Variants in GREM2 observed in about 807,000 individuals in gnomAD.
The protein encoded by GREM2 is gremlin-2.
A neutral mutation model predicts 14.2 loss-of-function variants in GREM2; 11 were observed. The ratio of observed to expected loss-of-function variants is 0.78; its 90% CI spans 0.49 to 1.28. The LOEUF (loss-of-function observed/expected upper bound fraction) is 1.28. Ranked by LOEUF, GREM2 falls within the 50% of genes most tolerant of loss-of-function variation. GREM2 has a pLI of 0.00. For synonymous variants in GREM2, 98 were observed against 97.6 expected, an observed-to-expected ratio of 1.00 and a Z score of -0.02; for missense variants, 210 against 218.5, an observed-to-expected ratio of 0.96 and a Z score of 0.24.
At chr1:240,568,802 CA>C (rs1572402876) in intron 1 of GREM2, among the ~76,000 whole-genome samples, 2 of 152,078 alleles carry the variant, frequency 1.3e-5, no homozygotes, top group African/African-American at 4.8e-5. Flanking sequence ...CTAGAAGTAA[CA>C]TATAAATTTA....
rs555126132 is a variant in GREM2 at position 240,552,509 on chromosome 1, C to T, written c.-1-59033G>A. Among the ~76,000 whole-genome samples, 6 of 152,242 alleles carry T rather than the reference C, an allele frequency of 3.9e-5. No individual in the cohort carries two copies. The South Asian group carries it at 6.2e-4, about 16-fold the overall frequency. ...GCTTGGGAAGCTGAGATGGGAGGAC[C>T]GCCTGAGCCCAAGAGTTTGAGATTA... On this transcript the variant is annotated intron_variant, in intron 1 of 1. Transcript: ENST00000318160.
chr1:240,554,481 T>C (rs1327152629), intron 1 of GREM2, among the ~76,000 whole-genome samples: 1 of 151,752 alleles, frequency 6.6e-6, no homozygotes, highest in African/African-American at 2.4e-5. Context: ...TGTATATACA[T>C]ATTTTTTGGT....
chr1:240,491,357 T>G lies in GREM2; in HGVS notation c.*1612A>C, dbSNP rs1044554646. On this transcript the variant is annotated 3_prime_UTR_variant, in exon 2 of 2. Coordinates refer to ENST00000318160, the MANE Select transcript of GREM2 (RefSeq NM_022469.4). ...ATCATCAGTGAAAGGTTTTCAAAGT[T>G]TACTGATTCCCACCAATGGCAGCTC... is the stretch of plus-strand genomic sequence containing the variant. 2 of 152,636 alleles carry G rather than the reference T, an allele frequency of 1.3e-5. No homozygotes were observed. Among genetic ancestry groups the G allele is most frequent in the African/African-American group, 4.8e-5 (2 of 41,448 alleles). 9.5% of individuals were successfully genotyped at this position (152,636 alleles called of 1,614,324 possible).
In GREM2 at chr1:240,607,704, G is replaced by A. The variant is rs16840431; in HGVS notation, c.-2+4180C>T. Among the ~76,000 whole-genome samples the A allele has an allele frequency of 3.3e-3, 495 of 152,246 alleles. 6 individuals are homozygous for A. Among genetic ancestry groups the A allele is most frequent in the African/African-American group, 0.01 (417 of 41,562 alleles). On this transcript the variant is annotated intron_variant, in intron 1 of 1. Transcript: ENST00000318160. The stretch of plus-strand genomic sequence containing the variant: ...GGTGAATATTTTTCATCTGTTTTTC[G>A]TCTATTAGATGGATGATAAACATCT...
chr1:240,519,286 G>A (rs890265504), intron 1 of GREM2, among the ~76,000 whole-genome samples: 3 of 151,708 alleles, frequency 2.0e-5, no homozygotes, highest in Non-Finnish European at 4.4e-5. Flanking sequence ...GTAGCTCCTT[G>A]CTAATGTCAC....
rs1678652852 is a variant in GREM2 at position 240,543,771 on chromosome 1, A to G, written c.-1-50295T>C. 6.6e-6 allele frequency among the ~76,000 whole-genome samples: 1 copy of G among 152,238 alleles called. No homozygotes were observed. Among genetic ancestry groups the G allele is most frequent in the Admixed American group, 6.5e-5 (1 of 15,278 alleles). On this transcript the variant is annotated intron_variant, in intron 1 of 1. Transcript: ENST00000318160. The surrounding 1 kb of genome is among the most constrained non-coding windows in gnomAD (Gnocchi z 6.4). The stretch of plus-strand genomic sequence containing the variant: ...TTTATAGAAATTACTAAGTAATTAT[A>G]TTTCAAAAGGGATTGATATACAGGC...
At chr1:240,556,679 G>C (rs935564846) in intron 1 of GREM2, among the ~76,000 whole-genome samples, 1 of 151,990 alleles carries the variant, frequency 6.6e-6, no homozygotes, top group East Asian at 1.9e-4. Flanking sequence ...TACTAAGAAA[G>C]CATTATTCAG....
intron 1 of GREM2, among the ~76,000 whole-genome samples, chr1:240,512,522 G>A (rs1011378064): frequency 6.4e-5 from 2 of 31,368 alleles, no homozygotes; most frequent in African/African-American, 1.1e-3. Flanking sequence ...TGAGCTTTCT[G>A]TCGCAGAACT....
chr1:240,516,959 G>C (rs1677970139), intron 1 of GREM2, among the ~76,000 whole-genome samples: 1 of 152,150 alleles, frequency 6.6e-6, no homozygotes, highest in African/African-American at 2.4e-5. Flanking sequence ...TGTCACTAGT[G>C]AACACTTGGT....
At chr1:240,591,353 A>G (rs927505677) in intron 1 of GREM2, among the ~76,000 whole-genome samples, 24 of 152,224 alleles carry the variant, frequency 1.6e-4, no homozygotes, top group Admixed American at 1.6e-3. Flanking sequence ...TTGAAGGAAC[A>G]TATTGAATGA....
chr1:240,522,959 G>T (rs1043255256), intron 1 of GREM2, among the ~76,000 whole-genome samples: 1 of 152,088 alleles, frequency 6.6e-6, no homozygotes, highest in African/African-American at 2.4e-5. Flanking sequence ...CATGAAAAAA[G>T]AAGACAGTGC....
Position 240,493,061 on chromosome 1 carries a change from C to T in GREM2, c.415G>A (p.Gly139Ser). The T allele has an allele frequency of 6.2e-7, 1 of 1,612,478 alleles. No homozygotes were observed. The highest frequency in any genetic ancestry group is 8.5e-7 in the Non-Finnish European group (1 of 1,178,822). Reference sequence around the variant, plus strand: ...TTGAGTCGGAAGGGTGGGTCCAGGCCGGGGCACTCGAGCTCCACGAGGACG... The same window carrying T: ...TTGAGTCGGAAGGGTGGGTCCAGGCTGGGGCACTCGAGCTCCACGAGGACG... ...TSVLVELECPGLDPPFRLKKI... is the reference protein window; with the variant it reads ...TSVLVELECPSLDPPFRLKKI... The change falls in exon 2 of 2, where the codon GGC (glycine) becomes AGC (serine). Residue 139 changes from glycine to serine, a missense_variant. Transcript: ENST00000318160.
chr1:240,553,650 C>T (rs1015037383), intron 1 of GREM2, among the ~76,000 whole-genome samples: 17 of 152,198 alleles, frequency 1.1e-4, no homozygotes, highest in Non-Finnish European at 1.0e-4. Context: ...ATAACGAACA[C>T]TTCTGAGACC....
chr1:240,497,481 G>T (rs907202964), intron 1 of GREM2, among the ~76,000 whole-genome samples: 1 of 151,986 alleles, frequency 6.6e-6, no homozygotes, highest in African/African-American at 2.4e-5. Context: ...GTTCTACCTG[G>T]AGAAGGAGCA....
At chr1:240,562,990 GTATGTGTGTA>G (rs1356796564) in intron 1 of GREM2, among the ~76,000 whole-genome samples, 2 of 146,794 alleles carry the variant, frequency 1.4e-5, no homozygotes, top group African/African-American at 2.7e-5. Flanking sequence ...ATGTAAGTGT[GTATGTGTGTA>G]TATGTGAGTG....
intron 1 of GREM2, chr1:240,530,572 T>G (rs1249736262): frequency 6.6e-6 from 1 of 152,198 alleles, no homozygotes; most frequent in Admixed American, 6.5e-5. Flanking sequence ...TTGTTGTGCA[T>G]AAAATATACA....
intron 1 of GREM2, among the ~76,000 whole-genome samples, chr1:240,545,070 TCTGATGG>T (rs1678688793): frequency 6.6e-6 from 1 of 152,210 alleles, no homozygotes; most frequent in African/African-American, 2.4e-5. Flanking sequence ...GCTGATGTTG[TCTGATGG>T]CTGGAGGCTC....
chr1:240,512,659 T>A (rs557516543), intron 1 of GREM2, among the ~76,000 whole-genome samples: 1 of 152,322 alleles, frequency 6.6e-6, no homozygotes, highest in South Asian at 2.1e-4. Flanking sequence ...ATAAAAGCAA[T>A]ATGACATTTG....
chr1:240,549,625 G>A lies in GREM2; in HGVS notation c.-1-56149C>T, dbSNP rs554136112. Among the ~76,000 whole-genome samples, 12 of 152,272 alleles carry A rather than the reference G, an allele frequency of 7.9e-5. 1 individual carries two copies. The South Asian group carries it at 2.5e-3, about 32-fold the overall frequency. ...AACTGAGACATCTGGAAAGGCCTTG[G>A]TCTTGGAGAAGAGGAGCTACAGCTT... On this transcript the variant is annotated intron_variant, in intron 1 of 1. Transcript: ENST00000318160.
Sources: gnomAD v4.1 joint callset for allele counts (sites outside exome capture counted in the v4.1 genomes callset) on GRCh38, gnomAD v4.1.1 for gene constraint, Gnocchi (gnomAD v3.1) non-coding constraint, MANE v1.5 for transcripts, NCBI Gene and HGNC (gene_info 2026-07-23, HGNC 2026-07-21) for gene names.